Variants in MITD1 observed in about 807,000 individuals in gnomAD.
The protein encoded by MITD1 is MIT domain-containing protein 1.
A neutral mutation model predicts 34.9 loss-of-function variants in MITD1; 24 were observed. That is an observed-to-expected ratio of 0.69 (90% CI 0.50 to 0.97). The LOEUF (loss-of-function observed/expected upper bound fraction) is 0.97, where lower values mean the gene tolerates loss of function less well. MITD1 is among the 50% of genes least tolerant of loss of function. The pLI is 0.00. For synonymous variants in MITD1, 102 were observed against 101.4 expected, an observed-to-expected ratio of 1.01 and a Z score of -0.04; for missense variants, 266 against 294.6, an observed-to-expected ratio of 0.90 and a Z score of 0.71.
chr2:99,180,404 A>G (rs2093910929), intron 1 of MITD1, among the ~76,000 whole-genome samples: 1 of 152,206 alleles, frequency 6.6e-6, no homozygotes. Flanking sequence ...ATCTCTTTCT[A>G]AAACACTTTG....
intron 7 of MITD1, chr2:99,162,427 A>G: frequency 6.2e-7 from 1 of 1,614,022 alleles, no homozygotes; most frequent in Non-Finnish European, 8.5e-7. Flanking sequence ...CTTTTACTTG[A>G]TGGACAGTTT....
chr2:99,169,249 G>A (rs950265355), downstream of MITD1: 3 of 560,976 alleles, frequency 5.3e-6, no homozygotes, highest in Non-Finnish European at 9.4e-6. Flanking sequence ...ACAACTGAAT[G>A]ATGGATCCAT....
At chr2:99,168,586 A>G (rs1396498427), downstream of MITD1, among the ~76,000 whole-genome samples, 1 of 152,260 alleles carries the variant, frequency 6.6e-6, no homozygotes, top group East Asian at 1.9e-4. Context: ...CTAAGCTGCA[A>G]GGCTTTACAA....
At chr2:99,164,133 T>G (rs1422253220) in intron 7 of MITD1, among the ~76,000 whole-genome samples, 2 of 152,224 alleles carry the variant, frequency 1.3e-5, no homozygotes, top group East Asian at 3.8e-4. Context: ...TATGTATCTT[T>G]CTGCTGGTGT....
Position 99,180,851 on chromosome 2 carries a change from AG to A in MITD1, c.130del (p.Leu44CysfsTer6). 1 of 1,614,134 alleles carries A rather than the reference AG, an allele frequency of 6.2e-7. No homozygotes were observed. Among genetic ancestry groups the A allele is most frequent in the Non-Finnish European group, 8.5e-7 (1 of 1,179,990 alleles). ...ALVCYQEGIDLLLQVLKGTKD... is the reference protein window; with the variant it reads ...ALVCYQEGIDXLLQVLKGTKD... Reference sequence around the variant, plus strand: ...CTCACCTTTCAGAACCTGCAGGAGCAGATCAATCCCCTCTTGGTAACACACC... The same window carrying A: ...CTCACCTTTCAGAACCTGCAGGAGCAATCAATCCCCTCTTGGTAACACACC... On this transcript the variant is annotated frameshift_variant, in exon 1 of 7. Transcript: ENST00000289359. LOFTEE classifies it high-confidence loss of function.
At chr2:99,167,388 A>G (rs1158089280), downstream of MITD1, among the ~76,000 whole-genome samples, 1 of 152,198 alleles carries the variant, frequency 6.6e-6, no homozygotes, top group Non-Finnish European at 1.5e-5. Flanking sequence ...TTCTTGATAT[A>G]TTTAAGCTGT....
At position 99,170,633 on chromosome 2, in the gene MITD1, TGCTGCA is replaced by T; in HGVS notation, c.491_496del (p.Val164_Gln166delinsGlu). ...TTCTATTTCTTGCAGGCCTCTACTT[TGCTGCA>T]CTTGCTCAATGCCCTGTTAATAGCA... On this transcript the variant is annotated inframe_deletion, in exon 5 of 7. Transcript: ENST00000289359. The T allele has an allele frequency of 6.3e-7, 1 of 1,594,966 alleles. No individual in the cohort carries two copies. The highest frequency in any genetic ancestry group is 1.7e-5 in the Admixed American group (1 of 59,880).
At chr2:99,172,384 T>TAA (rs61302679) in intron 2 of MITD1, 18 of 132,658 alleles carry the variant, frequency 1.4e-4, no homozygotes, top group African/African-American at 3.0e-4. Context: ...GACTCTGCCT[T>TAA]AAAAAAAAAA....
At chr2:99,175,286 C>T (rs1006632557) in intron 1 of MITD1, among the ~76,000 whole-genome samples, 2 of 152,194 alleles carry the variant, frequency 1.3e-5, no homozygotes, top group Non-Finnish European at 2.9e-5. Context: ...TCCCATATTG[C>T]ATTTAGTTAT....
chr2:99,180,796 TC>T (rs763377964), intron 1 of MITD1, 34 bp downstream of exon 1: 3 of 1,585,132 alleles, frequency 1.9e-6, no homozygotes, highest in Non-Finnish European at 1.7e-6. Flanking sequence ...CAGCTCCTTT[TC>T]CTCAGGTCCT....
chr2:99,173,906 C>T lies in MITD1; in HGVS notation c.253+9G>A, dbSNP rs766561727. On this transcript the variant is annotated intron_variant, in intron 2 of 6. Transcript: ENST00000289359. ...TTTATGGATGCATTTTCTAAAACAA[C>T]CTCTTTACCTTCTTTTTCTTGGTCC... 1 of 1,562,280 alleles carries T rather than the reference C, an allele frequency of 6.4e-7. No individual in the cohort carries two copies. The highest frequency in any genetic ancestry group is 8.8e-7 in the Non-Finnish European group (1 of 1,133,882).
Position 99,180,999 on chromosome 2 carries a change from T to A in MITD1, c.-18A>T, listed in dbSNP as rs752396800. The A allele has an allele frequency of 4.3e-6, 7 of 1,610,730 alleles. No individual in the cohort carries two copies. The highest frequency in any genetic ancestry group is 5.9e-6 in the Non-Finnish European group (7 of 1,178,292). ...TTCGCCATAATTCTGGAAGTTCTCC[T>A]CCGCCTCAACCCAGGATGAAGTTGA... On this transcript the variant is annotated 5_prime_UTR_variant, in exon 1 of 7. Coordinates refer to ENST00000289359, the MANE Select transcript of MITD1 (RefSeq NM_138798.3).
chr2:99,177,701 C>T (rs957671185), intron 1 of MITD1, among the ~76,000 whole-genome samples: 1 of 151,690 alleles, frequency 6.6e-6, no homozygotes, highest in Non-Finnish European at 1.5e-5. Context: ...GAGGGTTTCA[C>T]CATGTTGGCC....
Position 99,181,035 on chromosome 2 carries a change from T to G in MITD1, c.-54A>C, listed in dbSNP as rs993809168. 8.9e-6 allele frequency: 14 copies of G among 1,572,194 alleles called. No homozygotes were observed. Among genetic ancestry groups the G allele is most frequent in the Non-Finnish European group, 1.2e-5 (14 of 1,157,520 alleles). ...CCAGGATGAAGTTGAGCGGGTCTGC[T>G]GCGCTTCCGGGAAGTGGTCATGTGA... On this transcript the variant is annotated 5_prime_UTR_variant, in exon 1 of 7. Transcript: ENST00000289359.
intron 4 of MITD1, chr2:99,170,864 C>T (rs2093852580): frequency 2.9e-6 from 1 of 350,686 alleles, no homozygotes; most frequent in Non-Finnish European, 5.2e-6. Flanking sequence ...GTGAACATAA[C>T]TCCATCCTGT....
downstream of MITD1, among the ~76,000 whole-genome samples, chr2:99,167,143 T>C (rs1385862290): frequency 6.6e-6 from 1 of 152,050 alleles, no homozygotes; most frequent in Non-Finnish European, 1.5e-5. Context: ...ACTGATTTAT[T>C]TGCCCATGCC....
intron 4 of MITD1, chr2:99,170,986 C>A: frequency 3.8e-6 from 1 of 262,930 alleles, no homozygotes; most frequent in Non-Finnish European, 7.3e-6. Flanking sequence ...TAAGTCAAAA[C>A]CAAGATAGAG....
chr2:99,173,943 T>C lies in MITD1; in HGVS notation c.225A>G (p.Ile75Met). ...CTTTTTCTTGGTCCAAGTACTTCTT[T>C]ATGTTTTCCGCTCTGTCCATGTATT... ...ISKYMDRAEN[I>M]KKYLDQEKED... Residue 75 changes from isoleucine (I) to methionine (M), a missense_variant, in exon 2 of 7, where the codon ATA (isoleucine) becomes ATG (methionine). Physicochemically the swap from Ile to Met is conservative, Grantham distance 10. Transcript: ENST00000289359. 6.2e-7 allele frequency: 1 copy of C among 1,609,716 alleles called. No individual in the cohort carries two copies. Among genetic ancestry groups the C allele is most frequent in the South Asian group, 1.1e-5 (1 of 90,804 alleles).
intron 7 of MITD1, among the ~76,000 whole-genome samples, chr2:99,163,390 C>T (rs1001608320): frequency 5.3e-5 from 8 of 151,882 alleles, no homozygotes; most frequent in Non-Finnish European, 1.2e-4. Context: ...TGCAGTGGTG[C>T]GATCTTGGCC....
Sources: gnomAD v4.1 joint callset for allele counts (sites outside exome capture counted in the v4.1 genomes callset) on GRCh38, gnomAD v4.1.1 for gene constraint, MANE v1.5 for transcripts, NCBI Gene and HGNC (gene_info 2026-07-23, HGNC 2026-07-21) for gene names.